CLASP1: variants seen among roughly 807,000 people sequenced by gnomAD.
The protein encoded by CLASP1 is CLIP-associating protein 1.
CLASP1 carries 38 observed loss-of-function variants against 192.3 expected under a neutral mutation model. That is an observed-to-expected ratio of 0.20 (90% CI 0.15 to 0.26). CLASP1 has a LOEUF of 0.26. Ranked by LOEUF, CLASP1 falls within the 10% of genes least tolerant of loss-of-function variation. The probability of loss-of-function intolerance (pLI) is 1.00; values close to 1 mark genes in which losing one functional copy is unlikely to be tolerated. For synonymous variants in CLASP1, 691 were observed against 712.8 expected, an observed-to-expected ratio of 0.97 and a Z score of 0.49; for missense variants, 1,433 against 1,932.5, an observed-to-expected ratio of 0.74 and a Z score of 4.85.
intron 2 of CLASP1, among the ~76,000 whole-genome samples, chr2:121,541,131 C>A (rs1169307414): frequency 6.6e-6 from 1 of 152,106 alleles, no homozygotes; most frequent in East Asian, 1.9e-4. Flanking sequence ...CTTGTAAAGG[C>A]CCCAAAATGG....
rs1281771803 is a variant in CLASP1 at position 121,348,738 on chromosome 2, C to G, written c.4207-20G>C. ...CACCACCTGAAACACCCAGTTCCCC[C>G]AAAGAGTGAGCTCCACATGCCACAT... On this transcript the variant is annotated intron_variant, in intron 37 of 39. Coordinates refer to ENST00000263710, the Ensembl canonical transcript of CLASP1. 1 of 1,566,176 alleles carries G rather than the reference C, an allele frequency of 6.4e-7. No individual in the cohort carries two copies. Among genetic ancestry groups the G allele is most frequent in the Non-Finnish European group, 8.7e-7 (1 of 1,154,474 alleles).
intron 2 of CLASP1, among the ~76,000 whole-genome samples, chr2:121,558,937 G>C (rs1282232887): frequency 1.3e-5 from 2 of 152,130 alleles, no homozygotes; most frequent in Non-Finnish European, 1.5e-5. Flanking sequence ...ACCTGGCCTG[G>C]GAACCTTAAG....
intron 36 of CLASP1, chr2:121,364,545 T>C (rs928145788): frequency 6.2e-6 from 1 of 162,006 alleles, no homozygotes; most frequent in Non-Finnish European, 1.4e-5. Flanking sequence ...CATTCAAGTG[T>C]CCCAGCATGA....
intron 7 of CLASP1, 21 bp downstream of exon 7, chr2:121,515,644 A>C: frequency 6.2e-7 from 1 of 1,602,264 alleles, no homozygotes; most frequent in Non-Finnish European, 8.6e-7. Flanking sequence ...GAGCAGAAGA[A>C]AGGAAAAAAT....
At chr2:121,497,289 C>T (rs1191747992) in intron 8 of CLASP1, among the ~76,000 whole-genome samples, 1 of 152,156 alleles carries the variant, frequency 6.6e-6, no homozygotes, top group Admixed American at 6.5e-5. Context: ...CTTTAATTTA[C>T]ATACCAGGAT....
At chr2:121,645,774 C>A (rs1388909404) in intron 1 of CLASP1, among the ~76,000 whole-genome samples, 2 of 152,142 alleles carry the variant, frequency 1.3e-5, no homozygotes, top group African/African-American at 4.8e-5. Context: ...TTTGAGCACA[C>A]CTGAGCTAGA....
At chr2:121,489,226 T>A (rs1255520170) in intron 8 of CLASP1, among the ~76,000 whole-genome samples, 2 of 152,192 alleles carry the variant, frequency 1.3e-5, no homozygotes, top group Non-Finnish European at 2.9e-5. Flanking sequence ...AATAAAAATA[T>A]TATCACTGTA....
At chr2:121,558,262 G>A (rs768645484) in intron 2 of CLASP1, among the ~76,000 whole-genome samples, 1 of 152,082 alleles carries the variant, frequency 6.6e-6, no homozygotes, top group East Asian at 1.9e-4. Context: ...GGACTGGCCT[G>A]TCCCTCATAG....
At chr2:121,509,782 G>A (rs2094063826) in intron 7 of CLASP1, among the ~76,000 whole-genome samples, 3 of 152,136 alleles carry the variant, frequency 2.0e-5, no homozygotes, top group African/African-American at 4.8e-5. Context: ...AGGTTGCAGT[G>A]AGCCAAGACT....
At chr2:121,530,120 G>C in intron 3 of CLASP1, 127 bp downstream of exon 3, 3 of 748,216 alleles carry the variant, frequency 4.0e-6, no homozygotes, top group South Asian at 1.7e-5. Context: ...TGGGAGGAGC[G>C]GAAGGGAGGG....
At chr2:121,519,062 C>T (rs1395420212) in intron 6 of CLASP1, among the ~76,000 whole-genome samples, 1 of 152,100 alleles carries the variant, frequency 6.6e-6, no homozygotes, top group Admixed American at 6.5e-5. Flanking sequence ...AAAGTCTGGG[C>T]CATAAACGTT....
chr2:121,644,439 C>A lies in CLASP1; in HGVS notation c.-286+4933G>T, dbSNP rs2072747220. Among the ~76,000 whole-genome samples, 2 of 151,902 alleles carry A rather than the reference C, an allele frequency of 1.3e-5. 1 individual carries two copies. The highest frequency in any genetic ancestry group is 4.1e-4 in the South Asian group (2 of 4,822). On this transcript the variant is annotated intron_variant, in intron 1 of 39. Coordinates refer to ENST00000263710, the Ensembl canonical transcript of CLASP1. The stretch of plus-strand genomic sequence containing the variant: ...CAGAGGCAGGCAGATCACCTGAGGT[C>A]AGGAGTTTGAGATCAGCCTGGCCCA...
chr2:121,473,629 T>G (rs1304773837), intron 8 of CLASP1, among the ~76,000 whole-genome samples: 6 of 152,080 alleles, frequency 3.9e-5, no homozygotes, highest in Non-Finnish European at 8.8e-5. Flanking sequence ...TCCAAGAAGC[T>G]GCATGCCCCA....
chr2:121,345,076 T>C (rs2063282343), intron 39 of CLASP1, among the ~76,000 whole-genome samples: 1 of 152,160 alleles, frequency 6.6e-6, no homozygotes, highest in South Asian at 2.1e-4. Context: ...GGAGAATAGC[T>C]TGAACCTGGG....
At position 121,609,910 on chromosome 2, in the gene CLASP1, G is replaced by T. The variant is rs965102906; in HGVS notation, c.-285-3730C>A. On this transcript the variant is annotated intron_variant, in intron 1 of 39. Coordinates refer to ENST00000263710, the Ensembl canonical transcript of CLASP1. ...GAGCCGATCACGCCACTGCACTCCA[G>T]CCTGGCAACAGAGAGAGACTTTGTC... Among the ~76,000 whole-genome samples the T allele has an allele frequency of 2.0e-5, 3 of 152,176 alleles. 1 individual carries two copies. Among genetic ancestry groups the T allele is most frequent in the Middle Eastern group, 6.3e-3 (2 of 316 alleles).
chr2:121,533,895 G>A (rs1431346885), intron 2 of CLASP1, among the ~76,000 whole-genome samples: 1 of 152,198 alleles, frequency 6.6e-6, no homozygotes, highest in African/African-American at 2.4e-5. Flanking sequence ...GACTGGAATA[G>A]ATGAGTTCTC....
Position 121,530,901 on chromosome 2 carries a change from G to GA in CLASP1, c.196-577_196-576insT, listed in dbSNP as rs1559533441. The GA allele has an allele frequency of 4.3e-6, 3 of 695,830 alleles. No homozygotes were observed. In the Admixed American group the frequency reaches 6.0e-5, roughly 14 times the overall value. 43.1% of individuals were successfully genotyped at this position (695,830 alleles called of 1,614,324 possible). A position where few individuals can be genotyped will look rare whatever the true frequency, so the allele number is the denominator to read the frequency against. On this transcript the variant is annotated intron_variant, in intron 2 of 39. Transcript: ENST00000263710. ...TTATAACCATCCTTTTCTTGGGGTT[G>GA]CGCTACTGTCCAATGAGCGCATAGT...
intron 9 of CLASP1, among the ~76,000 whole-genome samples, chr2:121,469,509 T>C (rs2090282650): frequency 6.6e-6 from 1 of 152,218 alleles, no homozygotes; most frequent in Non-Finnish European, 1.5e-5. Context: ...AACAATGTGA[T>C]GAGGGTGCGC....
chr2:121,341,791 A>C (rs1465644731), intron 39 of CLASP1, among the ~76,000 whole-genome samples: 2 of 152,270 alleles, frequency 1.3e-5, no homozygotes. Context: ...TAACAGATGT[A>C]TATGAAACTC....
Sources: allele counts gnomAD v4.1 joint callset (sites outside exome capture counted in the v4.1 genomes callset), GRCh38; gene constraint gnomAD v4.1.1; transcripts MANE v1.5; gene names NCBI Gene and HGNC (gene_info 2026-07-23, HGNC 2026-07-21).